The following AGBL4 variants were observed in gnomAD, a reference collection of about 807,000 sequenced individuals.
AGBL4 encodes cytosolic carboxypeptidase 6.
AGBL4 carries 58 observed loss-of-function variants against 66.4 expected under a neutral mutation model. That is an observed-to-expected ratio of 0.87 (90% CI 0.71 to 1.09). The LOEUF (loss-of-function observed/expected upper bound fraction) is 1.09. Ranked by LOEUF, AGBL4 falls within the 50% of genes least tolerant of loss-of-function variation. AGBL4 has a pLI of 0.00. For missense variants in AGBL4, 579 were observed against 631.0 expected, an observed-to-expected ratio of 0.92 and a Z score of 0.88; for synonymous variants, 234 against 222.9, an observed-to-expected ratio of 1.05 and a Z score of -0.44.
intron 3 of AGBL4, among the ~76,000 whole-genome samples, chr1:49,453,566 A>C (rs138087285): frequency 9.9e-4 from 151 of 152,016 alleles, no homozygotes; most frequent in African/African-American, 3.5e-3. Flanking sequence ...TCTCAAGGCA[A>C]TAAAGTTAAT....
chr1:49,380,684 A>C (rs1332216985), intron 3 of AGBL4, among the ~76,000 whole-genome samples: 1 of 152,182 alleles, frequency 6.6e-6, no homozygotes, highest in African/African-American at 2.4e-5. Context: ...CCTCAGAAAT[A>C]ATGCCACATA....
At chr1:48,984,240 C>T (rs939708047) in intron 5 of AGBL4, among the ~76,000 whole-genome samples, 2 of 151,852 alleles carry the variant, frequency 1.3e-5, no homozygotes, top group Non-Finnish European at 2.9e-5. Flanking sequence ...CCTCCACTAC[C>T]ACTTTTCAGA....
chr1:48,546,888 CACACACACACAT>C (rs1382480877), intron 11 of AGBL4, among the ~76,000 whole-genome samples: 1 of 151,716 alleles, frequency 6.6e-6, no homozygotes, highest in Non-Finnish European at 1.5e-5. Flanking sequence ...CACACACACA[CACACACACACAT>C]ACATAATAGC....
intron 1 of AGBL4, among the ~76,000 whole-genome samples, chr1:50,016,233 C>G (rs537603475): frequency 2.0e-5 from 3 of 152,320 alleles, no homozygotes; most frequent in African/African-American, 4.8e-5. Context: ...ATGCATTCAA[C>G]TAAGGTCTAA....
chr1:49,396,075 T>C (rs1038405786), intron 3 of AGBL4, among the ~76,000 whole-genome samples: 3 of 151,622 alleles, frequency 2.0e-5, no homozygotes, highest in Non-Finnish European at 4.4e-5. Context: ...TTGTGCTGCA[T>C]CAGAGTTACT....
At chr1:49,547,733 G>C (rs1433352192) in intron 3 of AGBL4, among the ~76,000 whole-genome samples, 1 of 150,678 alleles carries the variant, frequency 6.6e-6, no homozygotes, top group Non-Finnish European at 1.5e-5. Flanking sequence ...ATATTCCTAA[G>C]TATTTTATTT....
At chr1:48,717,750 A>G (rs1647076641) in intron 6 of AGBL4, among the ~76,000 whole-genome samples, 1 of 152,196 alleles carries the variant, frequency 6.6e-6, no homozygotes, top group Non-Finnish European at 1.5e-5. Context: ...TACTAGAGGC[A>G]TTGAGGCTTT....
intron 3 of AGBL4, among the ~76,000 whole-genome samples, chr1:49,641,822 T>C (rs1317163222): frequency 1.3e-5 from 2 of 152,038 alleles, no homozygotes; most frequent in East Asian, 3.9e-4. Context: ...GTGCTAGTCT[T>C]TTTAAAAGCA....
chr1:49,632,387 G>C (rs1645587400), intron 3 of AGBL4, among the ~76,000 whole-genome samples: 1 of 152,168 alleles, frequency 6.6e-6, no homozygotes, highest in South Asian at 2.1e-4. Context: ...TTTTACAAGT[G>C]AAAAGGAATG....
intron 4 of AGBL4, among the ~76,000 whole-genome samples, chr1:49,172,657 A>G (rs899451463): frequency 2.0e-5 from 3 of 152,214 alleles, no homozygotes; most frequent in African/African-American, 7.2e-5. Context: ...TGAATAATAA[A>G]TTTAGATGAA....
At chr1:49,430,655 T>C (rs971980720) in intron 3 of AGBL4, among the ~76,000 whole-genome samples, 1 of 152,210 alleles carries the variant, frequency 6.6e-6, no homozygotes, top group African/African-American at 2.4e-5. Flanking sequence ...ATAACGTAGA[T>C]ACAGAAAAGT....
At chr1:49,378,811 A>T (rs1175077457) in intron 3 of AGBL4, among the ~76,000 whole-genome samples, 1 of 152,106 alleles carries the variant, frequency 6.6e-6, no homozygotes. Flanking sequence ...AGTTTCCCTC[A>T]CTGAGTAGTA....
chr1:49,048,838 C>G (rs1644143924), intron 4 of AGBL4, among the ~76,000 whole-genome samples: 1 of 151,854 alleles, frequency 6.6e-6, no homozygotes, highest in African/African-American at 2.4e-5. Context: ...GTCACAAGAT[C>G]AGTGAGCAGC....
intron 5 of AGBL4, among the ~76,000 whole-genome samples, chr1:48,925,149 TAC>T (rs55896102): frequency 0.34 from 49,864 of 145,674 alleles, 10,135 homozygotes; most frequent in Non-Finnish European, 0.47. Flanking sequence ...TATATATACA[TAC>T]ACACACACAC....
intron 6 of AGBL4, among the ~76,000 whole-genome samples, chr1:48,767,277 AAG>A (rs1269092022): frequency 2.6e-5 from 4 of 152,156 alleles, no homozygotes; most frequent in African/African-American, 9.7e-5. Context: ...CTCTTTTCCA[AAG>A]AGATAGTGCA....
chr1:48,597,457 A>G (rs1004013880), intron 9 of AGBL4, among the ~76,000 whole-genome samples: 2 of 152,108 alleles, frequency 1.3e-5, no homozygotes, highest in African/African-American at 4.8e-5. Context: ...TGAATAACAC[A>G]GTGGATGGGG....
chr1:49,120,003 C>T (rs777592200), intron 4 of AGBL4, among the ~76,000 whole-genome samples: 40 of 152,250 alleles, frequency 2.6e-4, no homozygotes, highest in East Asian at 9.6e-4. Context: ...GATTGCAACA[C>T]CTGCTTTTTT....
intron 4 of AGBL4, among the ~76,000 whole-genome samples, chr1:49,066,203 G>T (rs1644488999): frequency 6.6e-6 from 1 of 152,134 alleles, no homozygotes; most frequent in Admixed American, 6.6e-5. Flanking sequence ...AATAAATTTG[G>T]CAGTGGTTCC....
chr1:49,171,083 G>C (rs1345842007), intron 4 of AGBL4, among the ~76,000 whole-genome samples: 2 of 152,156 alleles, frequency 1.3e-5, no homozygotes, highest in East Asian at 3.8e-4. Context: ...CATCTTATAA[G>C]AAAGTGTTAA....
Sources: allele counts gnomAD v4.1 joint callset (sites outside exome capture counted in the v4.1 genomes callset), GRCh38; gene constraint gnomAD v4.1.1; transcripts MANE v1.5; gene names NCBI Gene and HGNC (gene_info 2026-07-23, HGNC 2026-07-21).